Variants in ELF1 observed in about 807,000 individuals in gnomAD.
ELF1 encodes the protein E74 like ETS transcription factor 1.
Under a neutral mutation model 59.9 loss-of-function variants are expected in ELF1, and 24 were observed. The ratio of observed to expected loss-of-function variants is 0.40; its 90% CI spans 0.29 to 0.56. ELF1 has a LOEUF of 0.56. Among genes scored for constraint, ELF1 ranks in the 20% least tolerant of loss-of-function variants. The pLI is 0.44. For missense variants in ELF1, 627 were observed against 742.2 expected, an observed-to-expected ratio of 0.84 and a Z score of 1.80; for synonymous variants, 248 against 266.2, an observed-to-expected ratio of 0.93 and a Z score of 0.67.
chr13:40,974,518 A>T (rs1357354120), intron 2 of ELF1, among the ~76,000 whole-genome samples: 2 of 152,108 alleles, frequency 1.3e-5, no homozygotes, highest in Non-Finnish European at 2.9e-5. Context: ...ACTTCTTAGG[A>T]TTGTTGTAAG....
intron 8 of ELF1, 36 bp from the exon 9 acceptor site, chr13:40,934,064 C>T: frequency 6.4e-7 from 1 of 1,565,960 alleles, no homozygotes; most frequent in Middle Eastern, 1.7e-4. Context: ...AGACAATTAG[C>T]ATATTCTACA....
At chr13:41,055,321 A>G (rs1877244891) in intron 1 of ELF1, among the ~76,000 whole-genome samples, 2 of 151,922 alleles carry the variant, frequency 1.3e-5, no homozygotes, top group Admixed American at 6.6e-5. Context: ...CCTCAGCTCC[A>G]TTAAAATGTG....
intron 8 of ELF1, 28 bp downstream of exon 8, chr13:40,940,893 A>G: frequency 6.3e-7 from 1 of 1,578,928 alleles, no homozygotes; most frequent in South Asian, 1.2e-5. Flanking sequence ...TATTGAAGTG[A>G]TAAGCATCAG....
At chr13:40,936,193 C>A (rs952926503) in intron 8 of ELF1, among the ~76,000 whole-genome samples, 5 of 152,152 alleles carry the variant, frequency 3.3e-5, no homozygotes, top group African/African-American at 1.2e-4. Context: ...GGCCATCTGA[C>A]TGCAGAGCCG....
chr13:40,951,624 A>G (rs1234659422), intron 3 of ELF1, 188 bp from the exon 4 acceptor site: 4 of 389,706 alleles, frequency 1.0e-5, no homozygotes, highest in African/African-American at 2.1e-5. Flanking sequence ...GTAATCCCGC[A>G]CTTTGGGAAG....
chr13:40,978,716 TA>T (rs757304015), intron 2 of ELF1, among the ~76,000 whole-genome samples: 8 of 143,672 alleles, frequency 5.6e-5, no homozygotes, highest in African/African-American at 7.8e-5. Flanking sequence ...AATTTACAAA[TA>T]AACCACTTCA....
In ELF1 at chr13:40,982,047, G is replaced by A. The variant is rs200429572; in HGVS notation, c.8C>T (p.Ala3Val). The A allele has an allele frequency of 6.2e-7, 1 of 1,610,540 alleles. No individual in the cohort carries two copies. The highest frequency in any genetic ancestry group is 1.7e-5 in the Admixed American group (1 of 59,794). ...TACTAGGTCGTTCTGTTGGACAACA[G>A]CAGCCATAATAAAGCATTCCCCTTA... The part of the protein sequence containing the change: MA[A>V]VVQQNDLVFE... Residue 3 changes from alanine to valine, a missense_variant, in exon 2 of 9, where the codon GCT becomes GTT. Transcript: ENST00000239882.
rs1768786386 is a variant in ELF1, at chr13:41,060,152, C to G, written c.-229+686G>C. 2.0e-5 allele frequency among the ~76,000 whole-genome samples: 3 copies of G among 152,134 alleles called. No individual in the cohort carries two copies. In the South Asian group the frequency reaches 6.2e-4, roughly 31 times the overall value. ...GGTGGAGACGCGAGCGCACACGCGG[C>G]GGAAAGGGGCGCCGGGCGGCTGCGC... On this transcript the variant is annotated intron_variant, in intron 1 of 1. Transcript: ENST00000405737.
At chr13:40,952,103 T>A (rs1052579371) in intron 3 of ELF1, among the ~76,000 whole-genome samples, 2 of 152,332 alleles carry the variant, frequency 1.3e-5, no homozygotes, top group Non-Finnish European at 2.9e-5. Context: ...CTTTTTTTAC[T>A]TTGCAATTTA....
intron 2 of ELF1, among the ~76,000 whole-genome samples, chr13:40,970,776 A>G (rs1872494941): frequency 6.6e-6 from 1 of 152,202 alleles, no homozygotes; most frequent in Non-Finnish European, 1.5e-5. Context: ...TGGTTTAATT[A>G]AGGGGAAAAA....
intron 1 of ELF1, among the ~76,000 whole-genome samples, chr13:40,990,691 C>T (rs1177083981): frequency 6.6e-6 from 1 of 151,848 alleles, no homozygotes; most frequent in Non-Finnish European, 1.5e-5. Context: ...CCCGTCTCTA[C>T]TAAAAATACA....
chr13:40,988,361 A>G (rs144651478), intron 1 of ELF1, among the ~76,000 whole-genome samples: 1 of 152,230 alleles, frequency 6.6e-6, no homozygotes, highest in Non-Finnish European at 1.5e-5. Context: ...AAAAGCCCAG[A>G]TTTCCTACTG....
At chr13:40,944,011 AT>A in intron 5 of ELF1, 86 bp from the exon 6 acceptor site, 1 of 1,291,650 alleles carries the variant, frequency 7.7e-7, no homozygotes, top group Non-Finnish European at 1.1e-6. Context: ...TTTACCCTAA[AT>A]TTCAAGTGCC....
At chr13:40,951,472 C>G (rs767876544) in intron 3 of ELF1, 36 bp from the exon 4 acceptor site, 1 of 1,554,744 alleles carries the variant, frequency 6.4e-7, no homozygotes, top group African/African-American at 1.4e-5. Flanking sequence ...AAATTAACTA[C>G]GAGACATCTG....
chr13:40,940,947 T>C lies in ELF1; in HGVS notation c.1230A>G (p.Thr410=). The change falls in exon 8 of 9, where the codon ACA becomes ACG. Residue 410 remains threonine (T), a synonymous_variant. Transcript: ENST00000239882. ...AARTSTMQDE[T]LNSSVQSIRT... is the part of the protein sequence containing the mutation. The stretch of plus-strand genomic sequence containing the variant: ...TAATACTCTGAACGGAAGAATTTAA[T>C]GTTTCATCCTGCATGGTACTGGTTC... 1 of 1,613,086 alleles carries C rather than the reference T, an allele frequency of 6.2e-7. No homozygotes were observed. The highest frequency in any genetic ancestry group is 8.5e-7 in the Non-Finnish European group (1 of 1,179,456).
intron 1 of ELF1, among the ~76,000 whole-genome samples, chr13:40,996,988 C>T (rs1264872012): frequency 1.3e-5 from 2 of 152,096 alleles, no homozygotes; most frequent in South Asian, 2.1e-4. Flanking sequence ...TCACTGCCAC[C>T]GAATCCAGAC....
At chr13:41,019,454 G>A, upstream of ELF1, 1 of 962,764 alleles carries the variant, frequency 1.0e-6, no homozygotes, top group Non-Finnish European at 1.2e-6. Flanking sequence ...AACGGTATAG[G>A]AAAGTGGGGA....
intron 1 of ELF1, among the ~76,000 whole-genome samples, chr13:40,987,691 TA>T (rs898492451): frequency 6.6e-6 from 1 of 152,098 alleles, no homozygotes; most frequent in Non-Finnish European, 1.5e-5. Flanking sequence ...TATACCAGCT[TA>T]AAGCAATGAC....
chr13:41,008,180 G>A (rs528495373), intron 1 of ELF1, among the ~76,000 whole-genome samples: 1 of 152,312 alleles, frequency 6.6e-6, no homozygotes, highest in South Asian at 2.1e-4. Flanking sequence ...AACAGAAATA[G>A]CATTGTTGTC....
Sources: gnomAD v4.1 joint callset for allele counts (sites outside exome capture counted in the v4.1 genomes callset) on GRCh38, gnomAD v4.1.1 for gene constraint, MANE v1.5 for transcripts, NCBI Gene and HGNC (gene_info 2026-07-23, HGNC 2026-07-21) for gene names.